THSD7B: variants seen among roughly 807,000 people sequenced by gnomAD.
THSD7B encodes thrombospondin type 1 domain containing 7B.
Under a neutral mutation model 213.6 loss-of-function variants are expected in THSD7B, and 138 were observed. The observed-to-expected ratio is 0.65, with a 90% CI of 0.56 to 0.74. The LOEUF is 0.74. Ranked by LOEUF, THSD7B falls within the 30% of genes least tolerant of loss-of-function variation. The pLI is 0.00. For missense variants in THSD7B, 1,931 were observed against 1,991.5 expected, an observed-to-expected ratio of 0.97 and a Z score of 0.58; for synonymous variants, 742 against 687.0, an observed-to-expected ratio of 1.08 and a Z score of -1.25.
chr2:136,912,926 T>C (rs1684290434), intron 2 of THSD7B, among the ~76,000 whole-genome samples: 1 of 152,204 alleles, frequency 6.6e-6, no homozygotes, highest in Non-Finnish European at 1.5e-5. Flanking sequence ...GGGGCGTTGC[T>C]GAAAAGATAC....
chr2:137,585,061 T>C (rs911894038), intron 17 of THSD7B, among the ~76,000 whole-genome samples: 2 of 152,208 alleles, frequency 1.3e-5, no homozygotes, highest in South Asian at 2.1e-4. Flanking sequence ...CCTGGTTTAG[T>C]CTTGGGAAGT....
At chr2:137,318,521 C>A (rs972440696) in intron 12 of THSD7B, among the ~76,000 whole-genome samples, 1 of 152,116 alleles carries the variant, frequency 6.6e-6, no homozygotes, top group Non-Finnish European at 1.5e-5. Context: ...AATACCCTCA[C>A]TCCCCCGCCC....
Position 137,022,573 on chromosome 2 carries a change from G to A in THSD7B, c.140-33847G>A, listed in dbSNP as rs1038389787. On this transcript the variant is annotated intron_variant, in intron 2 of 27. Coordinates refer to ENST00000409968, the MANE Select transcript of THSD7B (RefSeq NM_001316349.2). ...TTTTTTTTTATATGAATAACACATT[G>A]GAAGGATTATAAGATACATGGGCTT... 3.3e-5 allele frequency among the ~76,000 whole-genome samples: 5 copies of A among 151,906 alleles called. No homozygotes were observed. In the South Asian group the frequency reaches 6.2e-4, roughly 19 times the overall value.
chr2:136,816,294 G>A (rs191141364), intron 1 of THSD7B, among the ~76,000 whole-genome samples: 1 of 152,216 alleles, frequency 6.6e-6, no homozygotes, highest in Non-Finnish European at 1.5e-5. Flanking sequence ...TTACATTCTG[G>A]GGATTTGAGA....
chr2:137,325,447 C>T (rs1030924006), intron 12 of THSD7B, among the ~76,000 whole-genome samples: 2 of 152,126 alleles, frequency 1.3e-5, no homozygotes, highest in East Asian at 1.9e-4. Flanking sequence ...GCTGGACCTG[C>T]ACCCTTTCAT....
intron 2 of THSD7B, among the ~76,000 whole-genome samples, chr2:136,981,592 G>A (rs1443411689): frequency 6.6e-6 from 1 of 152,184 alleles, no homozygotes; most frequent in African/African-American, 2.4e-5. Context: ...AGCATGGCCT[G>A]CAGAAGCCTG....
chr2:137,588,049 C>A (rs1681778488), intron 17 of THSD7B, among the ~76,000 whole-genome samples: 1 of 152,190 alleles, frequency 6.6e-6, no homozygotes. Context: ...GCCCCTCCCC[C>A]AGCCTGGCTG....
At chr2:137,522,466 G>C (rs984561390) in intron 15 of THSD7B, among the ~76,000 whole-genome samples, 2 of 152,118 alleles carry the variant, frequency 1.3e-5, no homozygotes, top group African/African-American at 4.8e-5. Context: ...ACACAAAGGA[G>C]GTGCTTGATG....
At chr2:136,845,801 AAG>A (rs1436260405) in intron 1 of THSD7B, among the ~76,000 whole-genome samples, 1 of 152,198 alleles carries the variant, frequency 6.6e-6, no homozygotes, top group Non-Finnish European at 1.5e-5. Flanking sequence ...CATGAACTTG[AAG>A]AGAGAGGTTA....
chr2:137,004,678 C>A (rs1294626885), intron 2 of THSD7B, among the ~76,000 whole-genome samples: 1 of 152,092 alleles, frequency 6.6e-6, no homozygotes, highest in African/African-American at 2.4e-5. Context: ...ATGTTGATAC[C>A]ATCTCAAATT....
At chr2:137,153,713 C>T (rs1190469446) in intron 5 of THSD7B, among the ~76,000 whole-genome samples, 2 of 152,104 alleles carry the variant, frequency 1.3e-5, no homozygotes, top group African/African-American at 2.4e-5. Flanking sequence ...CCCCTTCCAC[C>T]ATTTGACTCC....
chr2:137,121,571 T>C (rs1688547780), intron 5 of THSD7B, among the ~76,000 whole-genome samples: 1 of 152,178 alleles, frequency 6.6e-6, no homozygotes, highest in Admixed American at 6.6e-5. Flanking sequence ...GCAATGGTTT[T>C]ACAAGTAATA....
chr2:137,196,532 C>T (rs766479152), intron 7 of THSD7B, among the ~76,000 whole-genome samples: 10 of 151,802 alleles, frequency 6.6e-5, no homozygotes, highest in African/African-American at 1.9e-4. Context: ...TAAATACTTA[C>T]GGGTGAATGA....
intron 4 of THSD7B, among the ~76,000 whole-genome samples, chr2:137,105,137 A>G (rs7592876): frequency 0.99 from 150,561 of 152,288 alleles, 74,443 homozygotes; most frequent in Middle Eastern, 1. Flanking sequence ...TATACCTGAT[A>G]TATTGATGTA....
At chr2:137,503,041 G>T (rs1385983675) in intron 15 of THSD7B, among the ~76,000 whole-genome samples, 1 of 152,134 alleles carries the variant, frequency 6.6e-6, no homozygotes, top group Non-Finnish European at 1.5e-5. Context: ...AGCAGGGAAA[G>T]ATACATATTT....
At chr2:137,530,921 T>G (rs1016973713) in intron 15 of THSD7B, among the ~76,000 whole-genome samples, 43 of 152,010 alleles carry the variant, frequency 2.8e-4, no homozygotes, top group Admixed American at 1.1e-3. Context: ...AATTCCAATA[T>G]ATAATCATCT....
At chr2:137,204,642 T>C (rs140023587) in intron 7 of THSD7B, among the ~76,000 whole-genome samples, 1 of 152,246 alleles carries the variant, frequency 6.6e-6, no homozygotes, top group African/African-American at 2.4e-5. Context: ...TATCTATGTA[T>C]GTAACATATG....
chr2:137,554,358 A>C (rs555190370), intron 15 of THSD7B, among the ~76,000 whole-genome samples: 6 of 152,182 alleles, frequency 3.9e-5, no homozygotes, highest in Non-Finnish European at 7.3e-5. Context: ...AGAAGACACA[A>C]ATTTTTTCCC....
intron 1 of THSD7B, among the ~76,000 whole-genome samples, chr2:136,838,675 GC>G (rs978840203): frequency 6.6e-6 from 1 of 152,142 alleles, no homozygotes; most frequent in Non-Finnish European, 1.5e-5. Flanking sequence ...AACCTATGGG[GC>G]TGACACACTG....
Sources: gnomAD v4.1 joint callset for allele counts (sites outside exome capture counted in the v4.1 genomes callset) on GRCh38, gnomAD v4.1.1 for gene constraint, MANE v1.5 for transcripts, NCBI Gene and HGNC (gene_info 2026-07-23, HGNC 2026-07-21) for gene names.